ASXL1: variants seen among roughly 807,000 people sequenced by gnomAD.
ASXL1 encodes polycomb group protein ASXL1.
In ASXL1, 65 loss-of-function variants were observed where a neutral mutation model predicts 89.1. That is an observed-to-expected ratio of 0.73 (90% CI 0.60 to 0.90). ASXL1 has a LOEUF of 0.90. Among genes scored for constraint, ASXL1 ranks in the 40% least tolerant of loss-of-function variants. The pLI is 0.00. For synonymous variants in ASXL1, 739 were observed against 746.9 expected, an observed-to-expected ratio of 0.99 and a Z score of 0.17; for missense variants, 1,786 against 1,942.9, an observed-to-expected ratio of 0.92 and a Z score of 1.52.
intron 1 of ASXL1, among the ~76,000 whole-genome samples, 191 bp from the exon 2 acceptor site, chr20:32,366,193 A>G (rs953665962): frequency 2.0e-5 from 3 of 152,200 alleles, no homozygotes; most frequent in Non-Finnish European, 4.4e-5. Context: ...GAATTAGAAC[A>G]TTTCAGTTAA....
chr20:32,434,096 C>A, intron 12 of ASXL1, 179 bp downstream of exon 12: 1 of 927,152 alleles, frequency 1.1e-6, no homozygotes, highest in East Asian at 2.6e-5. Context: ...TTCTTCCTCA[C>A]TTTTTTGTTC....
chr20:32,422,294 C>T (rs1180512303), intron 4 of ASXL1, among the ~76,000 whole-genome samples: 2 of 150,508 alleles, frequency 1.3e-5, no homozygotes, highest in East Asian at 1.9e-4. Context: ...AAATGGTACA[C>T]CTAAGATCTG....
chr20:32,406,702 T>C (rs2048962177), intron 4 of ASXL1, among the ~76,000 whole-genome samples: 1 of 152,200 alleles, frequency 6.6e-6, no homozygotes, highest in Non-Finnish European at 1.5e-5. Context: ...ATGAGTTCAC[T>C]CAAGCTCTGA....
intron 4 of ASXL1, among the ~76,000 whole-genome samples, chr20:32,391,966 A>AT (rs11483370): frequency 0.36 from 51,640 of 144,770 alleles, 9,929 homozygotes; most frequent in East Asian, 0.74. Flanking sequence ...TTGGACCTTG[A>AT]TTTTTTTTTT....
Position 32,358,849 on chromosome 20 carries a change from AG to A in ASXL1, c.57+23del. On this transcript the variant is annotated intron_variant, in intron 1 of 12. Coordinates refer to ENST00000375687, the MANE Select transcript of ASXL1 (RefSeq NM_015338.6). ...GCGCGCCTGGTGAGGCGGACAGCCG[AG>A]GGGGGCTCCGTGGGGCCCGGGGTGG... 6.3e-6 allele frequency: 8 copies of A among 1,270,440 alleles called. No homozygotes were observed. The highest frequency in any genetic ancestry group is 1.3e-5 in the South Asian group (1 of 74,652). 78.7% of individuals were successfully genotyped at this position (1,270,440 alleles called of 1,614,324 possible). A position where few individuals can be genotyped will look rare whatever the true frequency, so the allele number is the denominator to read the frequency against.
intron 1 of ASXL1, chr20:32,359,903 C>A (rs1276096449): frequency 5.6e-6 from 4 of 711,418 alleles, no homozygotes; most frequent in South Asian, 1.5e-5. Context: ...ATGTCAGTTC[C>A]TAAGATCTGT....
intron 4 of ASXL1, among the ~76,000 whole-genome samples, chr20:32,375,763 A>G (rs568591581): frequency 6.6e-6 from 1 of 151,822 alleles, no homozygotes; most frequent in Non-Finnish European, 1.5e-5. Context: ...GCTTACTGCA[A>G]CCTCTGCCTC....
chr20:32,402,476 A>G (rs1403963285), intron 4 of ASXL1, among the ~76,000 whole-genome samples: 1 of 152,254 alleles, frequency 6.6e-6, no homozygotes, highest in Non-Finnish European at 1.5e-5. Context: ...ATACCTACCT[A>G]TGAGTAGAAT....
Position 32,434,491 on chromosome 20 carries a change from A to G in ASXL1, c.1779A>G (p.Ile593Met). ...WVVKGQPTYQ[I>M]CPRIIPTTES... ...TTAAAGGTCAGCCCACTTACCAGAT[A>G]TGCCCCCGGATCATCCCCACCACGG... Residue 593 changes from isoleucine (I) to methionine (M), a missense_variant, in exon 13 of 13, where the codon ATA becomes ATG. Physicochemically the swap from Ile to Met is conservative, Grantham distance 10 (BLOSUM62 1). Around this residue, in one of 3 missense-constraint regions of ASXL1, gnomAD observed 1,418 missense variants for 1,427.8 expected, o/e 0.99. Coordinates refer to ENST00000375687, the MANE Select transcript of ASXL1 (RefSeq NM_015338.6). 6.2e-7 allele frequency: 1 copy of G among 1,614,100 alleles called. No individual in the cohort carries two copies. Among genetic ancestry groups the G allele is most frequent in the South Asian group, 1.1e-5 (1 of 91,080 alleles).
At position 32,433,718 on chromosome 20, in the gene ASXL1, T is replaced by C. The variant is rs138971201; in HGVS notation, c.1520T>C (p.Ile507Thr). The C allele has an allele frequency of 1.2e-6, 2 of 1,613,292 alleles. No homozygotes were observed. The highest frequency in any genetic ancestry group is 1.7e-6 in the Non-Finnish European group (2 of 1,179,442). The change falls in exon 12 of 13, where the codon ATT (isoleucine) becomes ACT (threonine). Residue 507 changes from isoleucine (I) to threonine (T), a missense_variant. This residue lies in a region of ASXL1 where 1,418 missense variants were observed against 1,427.8 expected (regional missense o/e 0.99). Coordinates refer to ENST00000375687, the MANE Select transcript of ASXL1 (RefSeq NM_015338.6). ...LARASASPDRIPSLPQETVDQ... is the reference protein window; with the variant it reads ...LARASASPDRTPSLPQETVDQ... ...CGTGCCTCTGCATCTCCAGACAGAA[T>C]TCCTAGCCTGCCTCAGGAAACTGTG...
chr20:32,426,554 CTTTT>C (rs1177815042), intron 4 of ASXL1, among the ~76,000 whole-genome samples: 4 of 83,948 alleles, frequency 4.8e-5, no homozygotes, highest in Non-Finnish European at 8.8e-5. Context: ...TTTTTTCTTT[CTTTT>C]TTTTTTTTTT....
At chr20:32,394,275 T>A (rs2048723774) in intron 4 of ASXL1, among the ~76,000 whole-genome samples, 1 of 152,226 alleles carries the variant, frequency 6.6e-6, no homozygotes, top group African/African-American at 2.4e-5. Flanking sequence ...GTGCTGGGAT[T>A]ACAGGCGTGA....
At chr20:32,411,394 A>T (rs1277587986) in intron 4 of ASXL1, among the ~76,000 whole-genome samples, 6 of 148,560 alleles carry the variant, frequency 4.0e-5, no homozygotes, top group African/African-American at 1.2e-4. Flanking sequence ...TGCCCGGCTA[A>T]TTTTTGTCTT....
chr20:32,431,564 T>C lies in ASXL1; in HGVS notation c.883-19T>C, dbSNP rs201649071. The stretch of plus-strand genomic sequence containing the variant: ...TTAAGTTTATTTATTAGGATTTTTT[T>C]CCCCCTTGATCCTTCTAGGTGGGGA... On this transcript the variant is annotated intron_variant, in intron 9 of 12. Coordinates refer to ENST00000375687, the MANE Select transcript of ASXL1 (RefSeq NM_015338.6). 22 of 1,613,752 alleles carry C rather than the reference T, an allele frequency of 1.4e-5. No homozygotes were observed. Among genetic ancestry groups the C allele is most frequent in the South Asian group, 3.3e-5 (3 of 91,054 alleles).
chr20:32,399,747 CTTTTTTTTTTTTTTTTT>C (rs369127811), intron 4 of ASXL1, among the ~76,000 whole-genome samples: 1 of 73,888 alleles, frequency 1.4e-5, no homozygotes, highest in African/African-American at 6.8e-5. Context: ...ATATTTTACT[CTTTTTTTTTTTTTTTTT>C]TTTTTTTTTT....
In ASXL1 at chr20:32,358,983, C is replaced by T. The variant is rs996002104; in HGVS notation, c.57+151C>T. On this transcript the variant is annotated intron_variant, in intron 1 of 12. Coordinates refer to ENST00000375687, the MANE Select transcript of ASXL1 (RefSeq NM_015338.6). The stretch of plus-strand genomic sequence containing the variant: ...TTAAGAACGGGACAGCCCCGCAAGG[C>T]GAGGGGTGGGGAGCGCTCCGCCGGG... 6.9e-6 allele frequency: 6 copies of T among 866,380 alleles called. No individual in the cohort carries two copies. The highest frequency in any genetic ancestry group is 2.8e-5 in the East Asian group (1 of 35,198). The allele number at this position is 866,380 out of a possible 1,614,324, so 53.7% of individuals were successfully genotyped here. A position where few individuals can be genotyped will look rare whatever the true frequency, so the allele number is the denominator to read the frequency against.
intron 4 of ASXL1, among the ~76,000 whole-genome samples, chr20:32,382,080 C>G (rs950263823): frequency 6.6e-6 from 1 of 151,538 alleles, no homozygotes; most frequent in Admixed American, 6.6e-5. Flanking sequence ...CCCAGCCTCC[C>G]GAGTAGCTGG....
rs538909759 is a variant in ASXL1 at position 32,369,873 on chromosome 20, A to G, written c.252+750A>G. ...CCTCCTGAGTAGCTAAGAGTGCACT[A>G]CCATGCCCAGGTAATTTTTGTATTT... On this transcript the variant is annotated intron_variant, in intron 4 of 12. Transcript: ENST00000375687. Among the ~76,000 whole-genome samples the G allele has an allele frequency of 1.7e-3, 262 of 151,360 alleles. 3 individuals carry two copies. Among genetic ancestry groups the G allele is most frequent in the African/African-American group, 5.5e-3 (229 of 41,262 alleles).
chr20:32,423,042 G>T (rs2011183201), intron 4 of ASXL1, among the ~76,000 whole-genome samples: 1 of 152,072 alleles, frequency 6.6e-6, no homozygotes, highest in Non-Finnish European at 1.5e-5. Flanking sequence ...TTTCGTTTTT[G>T]TCAGACATAT....
Sources: allele counts gnomAD v4.1 joint callset (sites outside exome capture counted in the v4.1 genomes callset), GRCh38; gene constraint gnomAD v4.1.1; regional missense constraint gnomAD v4.1.1; transcripts MANE v1.5; gene names NCBI Gene and HGNC (gene_info 2026-07-23, HGNC 2026-07-21).